Variants in INPP4B observed in about 807,000 individuals in gnomAD.
INPP4B encodes inositol polyphosphate 4-phosphatase type II.
INPP4B carries 55 observed loss-of-function variants against 122.5 expected under a neutral mutation model. The ratio of observed to expected loss-of-function variants is 0.45; its 90% CI spans 0.36 to 0.56. INPP4B has a LOEUF of 0.56. Ranked by LOEUF, INPP4B falls within the 20% of genes least tolerant of loss-of-function variation. INPP4B has a pLI of 0.00. For synonymous variants in INPP4B, 403 were observed against 388.7 expected, an observed-to-expected ratio of 1.04 and a Z score of -0.43; for missense variants, 1,000 against 1,097.7, an observed-to-expected ratio of 0.91 and a Z score of 1.26.
At chr4:142,225,398 A>G (rs774157021) in intron 12 of INPP4B, among the ~76,000 whole-genome samples, 7 of 152,016 alleles carry the variant, frequency 4.6e-5, no homozygotes, top group Non-Finnish European at 8.8e-5. Context: ...CAATTTGCAG[A>G]CAGCCTATTG....
At chr4:142,074,554 A>G (rs1038179943) in intron 25 of INPP4B, among the ~76,000 whole-genome samples, 8 of 152,130 alleles carry the variant, frequency 5.3e-5, no homozygotes, top group African/African-American at 1.4e-4. Context: ...ATTGGTTTAT[A>G]TACATGGATA....
chr4:142,243,050 C>A (rs1236222305), intron 11 of INPP4B, among the ~76,000 whole-genome samples: 4 of 152,100 alleles, frequency 2.6e-5, no homozygotes, highest in Non-Finnish European at 4.4e-5. Context: ...GGTACACCAC[C>A]AATTGTGGAA....
rs568495129 is a variant in INPP4B at position 142,686,977 on chromosome 4, G to C, written c.-191+38862C>G. Among the ~76,000 whole-genome samples the C allele has an allele frequency of 5.3e-5, 8 of 152,002 alleles. No homozygotes were observed. In the South Asian group the frequency reaches 1.5e-3, roughly 28 times the overall value. On this transcript the variant is annotated intron_variant, in intron 2 of 25. Transcript: ENST00000262992. ...TAGATTTTGGGGCGAAAAAAGGCAA[G>C]GTATTCTTTTTGGTATATGGGAAAC...
chr4:142,623,150 C>T (rs905963642), intron 2 of INPP4B, among the ~76,000 whole-genome samples: 1 of 151,944 alleles, frequency 6.6e-6, no homozygotes, highest in East Asian at 1.9e-4. Context: ...TGAGGCTTAT[C>T]TATCACAGTC....
intron 2 of INPP4B, among the ~76,000 whole-genome samples, chr4:142,623,556 C>G (rs1405667883): frequency 6.6e-6 from 1 of 151,694 alleles, no homozygotes; most frequent in Non-Finnish European, 1.5e-5. Flanking sequence ...CTGTATAATT[C>G]ACTCCTTTTT....
intron 25 of INPP4B, among the ~76,000 whole-genome samples, chr4:142,038,035 A>G (rs1486995693): frequency 3.3e-5 from 5 of 152,196 alleles, no homozygotes; most frequent in African/African-American, 1.2e-4. Flanking sequence ...ATAGTCTGAT[A>G]GGAAATGGAG....
chr4:142,343,903 T>C (rs995879052), intron 7 of INPP4B, among the ~76,000 whole-genome samples: 1 of 152,100 alleles, frequency 6.6e-6, no homozygotes, highest in Non-Finnish European at 1.5e-5. Flanking sequence ...TAAGCCACTA[T>C]ATAAATTCAA....
chr4:142,789,080 A>G (rs1776169303), intron 1 of INPP4B, among the ~76,000 whole-genome samples: 1 of 152,134 alleles, frequency 6.6e-6, no homozygotes, highest in African/African-American at 2.4e-5. Context: ...CAAGGGACAT[A>G]CCACAATGTA....
At chr4:142,498,168 T>C (rs1822876145) in intron 2 of INPP4B, among the ~76,000 whole-genome samples, 1 of 151,190 alleles carries the variant, frequency 6.6e-6, no homozygotes, top group Admixed American at 6.6e-5. Context: ...CATATATATG[T>C]ATGTATACAT....
intron 2 of INPP4B, among the ~76,000 whole-genome samples, chr4:142,687,863 C>A (rs144255493): frequency 6.6e-6 from 1 of 152,102 alleles, no homozygotes. Context: ...ATGACACTAT[C>A]CAATCTCCGC....
intron 7 of INPP4B, among the ~76,000 whole-genome samples, chr4:142,336,219 G>A (rs1776525639): frequency 6.6e-6 from 1 of 152,148 alleles, no homozygotes; most frequent in South Asian, 2.1e-4. Context: ...CATTCCTCTT[G>A]GATATGAGAC....
chr4:142,775,763 G>T (rs1773803144), intron 1 of INPP4B, among the ~76,000 whole-genome samples: 1 of 152,014 alleles, frequency 6.6e-6, no homozygotes, highest in Admixed American at 6.6e-5. Context: ...ATATATTTTA[G>T]ATAGAAGTCC....
intron 2 of INPP4B, among the ~76,000 whole-genome samples, chr4:142,524,093 T>C (rs1826489330): frequency 6.6e-6 from 1 of 151,776 alleles, no homozygotes; most frequent in Non-Finnish European, 1.5e-5. Flanking sequence ...GTCTTTGCTA[T>C]TGTGAATAGT....
At chr4:142,472,910 C>A (rs375839134) in intron 2 of INPP4B, among the ~76,000 whole-genome samples, 1 of 152,086 alleles carries the variant, frequency 6.6e-6, no homozygotes, top group African/African-American at 2.4e-5. Flanking sequence ...GAAGTAGCTA[C>A]CCAAAACAAA....
At chr4:142,388,501 AAC>A (rs1796646418) in intron 7 of INPP4B, among the ~76,000 whole-genome samples, 2 of 152,102 alleles carry the variant, frequency 1.3e-5, no homozygotes. Context: ...CCTTAGAAAA[AAC>A]AGAGGAGGAG....
intron 2 of INPP4B, among the ~76,000 whole-genome samples, chr4:142,689,375 G>A (rs1392665365): frequency 6.6e-6 from 1 of 152,122 alleles, no homozygotes; most frequent in Non-Finnish European, 1.5e-5. Flanking sequence ...GTATGGACTA[G>A]CACCCAGGAC....
intron 2 of INPP4B, chr4:142,514,588 A>T (rs1825167781): frequency 6.6e-6 from 1 of 152,160 alleles, no homozygotes; most frequent in Non-Finnish European, 1.5e-5. Context: ...AGCATGGGCT[A>T]TGAATGGATG....
In INPP4B at chr4:142,045,715, G is replaced by A. The variant is rs567911486; in HGVS notation, c.2643-16801C>T. Among the ~76,000 whole-genome samples, 81 of 152,176 alleles carry A rather than the reference G, an allele frequency of 5.3e-4. 1 individual carries two copies. Among genetic ancestry groups the A allele is most frequent in the African/African-American group, 1.9e-3 (78 of 41,546 alleles). On this transcript the variant is annotated intron_variant, in intron 25 of 25. Transcript: ENST00000262992. ...TGTGTAATTAAATAAGTTGGGAAAT[G>A]CTGGGTTAGAAAACTCATACAGAAT...
At chr4:142,252,859 T>C (rs1439559907) in intron 11 of INPP4B, among the ~76,000 whole-genome samples, 1 of 152,192 alleles carries the variant, frequency 6.6e-6, no homozygotes, top group Non-Finnish European at 1.5e-5. Context: ...TAAAAGAAAT[T>C]TATAGTCGTG....
Sources: gnomAD v4.1 joint callset for allele counts (sites outside exome capture counted in the v4.1 genomes callset) on GRCh38, gnomAD v4.1.1 for gene constraint, MANE v1.5 for transcripts, NCBI Gene and HGNC (gene_info 2026-07-23, HGNC 2026-07-21) for gene names.